Variants in TMEM51 observed in about 807,000 individuals in gnomAD.
The protein encoded by TMEM51 is transmembrane protein 51.
In TMEM51, 8 loss-of-function variants were observed where a neutral mutation model predicts 13.6. The observed-to-expected ratio is 0.59, with a 90% CI of 0.35 to 1.07. The LOEUF is 1.07. Ranked by LOEUF, TMEM51 falls within the 50% of genes least tolerant of loss-of-function variation. The probability of loss-of-function intolerance (pLI) is 0.02; values close to 1 mark genes in which losing one functional copy is unlikely to be tolerated. For synonymous variants in TMEM51, 147 were observed against 144.4 expected, an observed-to-expected ratio of 1.02 and a Z score of -0.13; for missense variants, 279 against 330.7, an observed-to-expected ratio of 0.84 and a Z score of 1.21.
chr1:15,184,121 C>CT (rs57737562), intron 1 of TMEM51, among the ~76,000 whole-genome samples: 83,999 of 151,872 alleles, frequency 0.55, 24,609 homozygotes, highest in East Asian at 0.9. Context: ...TTCACTGCAA[C>CT]TCTGCCTCCC....
At chr1:15,191,664 C>G (rs1643923830) in intron 1 of TMEM51, among the ~76,000 whole-genome samples, 1 of 152,186 alleles carries the variant, frequency 6.6e-6, no homozygotes, top group Non-Finnish European at 1.5e-5. Flanking sequence ...TTCTCTTCCT[C>G]CTCCTCAGCC....
At chr1:15,209,720 G>C (rs577083878) in intron 1 of TMEM51, among the ~76,000 whole-genome samples, 1 of 152,208 alleles carries the variant, frequency 6.6e-6, no homozygotes, top group African/African-American at 2.4e-5. Context: ...AACCCAACTT[G>C]ATTATGATGT....
At chr1:15,155,647 G>A (rs1427036227) in intron 1 of TMEM51, among the ~76,000 whole-genome samples, 4 of 152,170 alleles carry the variant, frequency 2.6e-5, no homozygotes, top group Non-Finnish European at 4.4e-5. Context: ...AAGGCACAGC[G>A]ACAGGAGAGT....
At chr1:15,196,525 G>A (rs1644053783) in intron 1 of TMEM51, among the ~76,000 whole-genome samples, 1 of 152,130 alleles carries the variant, frequency 6.6e-6, no homozygotes, top group Non-Finnish European at 1.5e-5. Context: ...TGGTGCACCA[G>A]CACACACAGC....
chr1:15,211,282 G>A (rs999983269), intron 2 of TMEM51, among the ~76,000 whole-genome samples: 1 of 152,138 alleles, frequency 6.6e-6, no homozygotes, highest in Non-Finnish European at 1.5e-5. Flanking sequence ...TAATGCCAAG[G>A]ATGCCCTGTG....
intron 1 of TMEM51, among the ~76,000 whole-genome samples, chr1:15,187,240 T>G (rs1643807871): frequency 1.4e-5 from 2 of 146,318 alleles, no homozygotes; most frequent in Middle Eastern, 3.5e-3. Context: ...ACTGACTCCT[T>G]GGGGACTGGA....
intron 2 of TMEM51, among the ~76,000 whole-genome samples, chr1:15,211,794 G>A (rs1644341947): frequency 8.5e-6 from 1 of 118,152 alleles, no homozygotes; most frequent in Admixed American, 9.1e-5. Flanking sequence ...GTCCCCAGAA[G>A]CAATCATGGT....
rs190824178 is a variant in TMEM51, at chr1:15,164,669, C to T, written c.-267+10715C>T. Reference sequence around the variant, plus strand: ...AACATTATAAAAGAGATTATTGAAACGATTTTTAGATTAGGCACCTAAAAT... The same window carrying T: ...AACATTATAAAAGAGATTATTGAAATGATTTTTAGATTAGGCACCTAAAAT... On this transcript the variant is annotated intron_variant, in intron 1 of 3. Coordinates refer to ENST00000376008, the MANE Select transcript of TMEM51 (RefSeq NM_001136218.2). Among the ~76,000 whole-genome samples, 413 of 151,820 alleles carry T rather than the reference C, an allele frequency of 2.7e-3. 7 individuals are homozygous for T. Among genetic ancestry groups the T allele is most frequent in the African/African-American group, 7.8e-3 (323 of 41,282 alleles).
In TMEM51 at chr1:15,215,207, C is replaced by G. The variant is rs765291414; in HGVS notation, c.120C>G (p.Ala40=). 9 of 1,614,074 alleles carry G rather than the reference C, an allele frequency of 5.6e-6. No individual in the cohort carries two copies. In the African/African-American group the frequency reaches 1.2e-4, roughly 22 times the overall value. Residue 40 remains alanine (A), a synonymous_variant, in exon 3 of 4, where the codon GCC becomes GCG. Transcript: ENST00000376008. The stretch of plus-strand genomic sequence containing the variant: ...ACCTGGTACCCGGCTTCAGCGCGGC[C>G]GAGAAGCCAACAGCTCAGGGCAGCA... ...MWNLVPGFSA[A]EKPTAQGSNK...
chr1:15,188,741 G>T (rs1427741293), intron 1 of TMEM51, among the ~76,000 whole-genome samples: 1 of 152,224 alleles, frequency 6.6e-6, no homozygotes, highest in African/African-American at 2.4e-5. Flanking sequence ...CTGGCACTGG[G>T]TCATTTCCCC....
At chr1:15,196,109 G>A (rs188063573) in intron 1 of TMEM51, among the ~76,000 whole-genome samples, 4 of 152,190 alleles carry the variant, frequency 2.6e-5, no homozygotes, top group Admixed American at 1.3e-4. Context: ...CATGGTGTGC[G>A]CCTAGCTCAT....
At position 15,215,240 on chromosome 1, in the gene TMEM51, C is replaced by T. The variant is rs777577313; in HGVS notation, c.153C>T (p.Thr51=). Reference sequence around the variant, plus strand: ...CAACAGCTCAGGGCAGCAACAAGACCGAGGTGGGTGGCGGCATCCTCAAGA... The same window carrying T: ...CAACAGCTCAGGGCAGCAACAAGACTGAGGTGGGTGGCGGCATCCTCAAGA... The part of the protein sequence containing the change: ...EKPTAQGSNK[T]EVGGGILKSK... The change falls in exon 3 of 4, where the codon ACC becomes ACT. Residue 51 remains threonine (T), a synonymous_variant. Transcript: ENST00000376008. 3 of 1,614,196 alleles carry T rather than the reference C, an allele frequency of 1.9e-6. No individual in the cohort carries two copies. Among genetic ancestry groups the T allele is most frequent in the South Asian group, 1.1e-5 (1 of 91,082 alleles).
intron 1 of TMEM51, among the ~76,000 whole-genome samples, chr1:15,180,865 C>A (rs1643594884): frequency 6.6e-6 from 1 of 152,182 alleles, no homozygotes; most frequent in African/African-American, 2.4e-5. Context: ...TCAAGTCCCT[C>A]GCCCAAGGTC....
chr1:15,190,221 T>G (rs1411918340), intron 1 of TMEM51, among the ~76,000 whole-genome samples: 1 of 152,170 alleles, frequency 6.6e-6, no homozygotes, highest in Non-Finnish European at 1.5e-5. Context: ...CATGAGGCTT[T>G]GGGCAGGTTA....
intron 1 of TMEM51, 114 bp from the exon 2 acceptor site, chr1:15,210,376 C>T (rs1232867031): frequency 6.6e-6 from 1 of 152,142 alleles, no homozygotes; most frequent in Non-Finnish European, 1.5e-5. Context: ...CTACCCTAAC[C>T]CTTGCCCTTT....
chr1:15,172,940 C>T (rs12094221), intron 1 of TMEM51, among the ~76,000 whole-genome samples: 74 of 152,222 alleles, frequency 4.9e-4, no homozygotes, highest in African/African-American at 1.7e-3. Context: ...TGTGTAAGGT[C>T]GGGTGCTGTC....
chr1:15,197,541 GCTGAGGCTCTCTCCAAAAGCCCCGTA>G (rs1239393248), intron 1 of TMEM51, among the ~76,000 whole-genome samples: 19 of 152,126 alleles, frequency 1.2e-4, no homozygotes, highest in South Asian at 2.1e-4. Flanking sequence ...CCTGCTTCTG[GCTGAGGCTCTCTCCAAAAGCCCCGTA>G]CTGAGGCTCT....
chr1:15,154,880 C>T (rs1642534056), intron 1 of TMEM51, among the ~76,000 whole-genome samples: 1 of 151,802 alleles, frequency 6.6e-6, no homozygotes, highest in African/African-American at 2.4e-5. Context: ...CCGGGCGCTG[C>T]CGGAGTGGGG....
chr1:15,181,402 G>A (rs1643611085), intron 1 of TMEM51, among the ~76,000 whole-genome samples: 1 of 152,192 alleles, frequency 6.6e-6, no homozygotes, highest in Admixed American at 6.5e-5. Context: ...GCCTCCAGGT[G>A]GCATGTGGCA....
Sources: gnomAD v4.1 joint callset for allele counts (sites outside exome capture counted in the v4.1 genomes callset) on GRCh38, gnomAD v4.1.1 for gene constraint, MANE v1.5 for transcripts, NCBI Gene and HGNC (gene_info 2026-07-23, HGNC 2026-07-21) for gene names.